The following DPP6 variants were observed in gnomAD, a reference collection of about 807,000 sequenced individuals.
DPP6 encodes the protein A-type potassium channel modulatory protein DPP6.
Under a neutral mutation model 122.6 loss-of-function variants are expected in DPP6, and 69 were observed. That is an observed-to-expected ratio of 0.56 (90% CI 0.46 to 0.69). The LOEUF (loss-of-function observed/expected upper bound fraction) is 0.69, where lower values mean the gene tolerates loss of function less well. DPP6 is among the 30% of genes least tolerant of loss of function. The probability of loss-of-function intolerance (pLI) is 0.00; values close to 1 mark genes in which losing one functional copy is unlikely to be tolerated. For missense variants in DPP6, 928 were observed against 1,116.9 expected, an observed-to-expected ratio of 0.83 and a Z score of 2.41; for synonymous variants, 418 against 433.1, an observed-to-expected ratio of 0.97 and a Z score of 0.43.
At chr7:154,125,604 C>A (rs1451453247) in intron 1 of DPP6, among the ~76,000 whole-genome samples, 2 of 152,132 alleles carry the variant, frequency 1.3e-5, no homozygotes, top group African/African-American at 4.8e-5. Context: ...AGGGCACAGG[C>A]TTTGGTTATT....
intron 1 of DPP6, among the ~76,000 whole-genome samples, chr7:154,022,036 C>T (rs1222871031): frequency 6.6e-6 from 1 of 152,104 alleles, no homozygotes; most frequent in Non-Finnish European, 1.5e-5. Flanking sequence ...GAGAATTCAA[C>T]TCCCCCTCTC....
chr7:153,949,326 G>T (rs559766692), intron 1 of DPP6, among the ~76,000 whole-genome samples: 18 of 152,190 alleles, frequency 1.2e-4, no homozygotes, highest in Non-Finnish European at 1.8e-4. Flanking sequence ...AGCTTCTTCC[G>T]TTAACAGACC....
At chr7:154,270,713 A>G (rs186184576) in intron 1 of DPP6, among the ~76,000 whole-genome samples, 1 of 152,282 alleles carries the variant, frequency 6.6e-6, no homozygotes, top group Non-Finnish European at 1.5e-5. Flanking sequence ...ACCAGACTCA[A>G]TACCAGTAGC....
intron 1 of DPP6, among the ~76,000 whole-genome samples, chr7:154,033,963 C>T (rs1338392228): frequency 6.6e-6 from 1 of 152,136 alleles, no homozygotes; most frequent in African/African-American, 2.4e-5. Context: ...TCACACAGCA[C>T]GTGTTTATAG....
intron 7 of DPP6, 92 bp downstream of exon 7, chr7:154,669,533 T>C (rs1480193119): frequency 7.1e-7 from 1 of 1,410,156 alleles, no homozygotes; most frequent in African/African-American, 2.3e-5. Context: ...AGCCTGTACA[T>C]GGTGTTGTGT....
chr7:154,473,370 G>A (rs765808336), intron 2 of DPP6, among the ~76,000 whole-genome samples: 3 of 152,144 alleles, frequency 2.0e-5, no homozygotes, highest in Admixed American at 6.6e-5. Flanking sequence ...TTCAGCGCCC[G>A]GGATAGCTCC....
intron 7 of DPP6, among the ~76,000 whole-genome samples, chr7:154,720,838 G>A (rs1484283408): frequency 2.0e-5 from 3 of 152,232 alleles, no homozygotes; most frequent in Non-Finnish European, 4.4e-5. Flanking sequence ...GGGTCTTTCA[G>A]TGAGAAGGGT....
chr7:154,301,814 GTT>G (rs1805926625), intron 1 of DPP6, among the ~76,000 whole-genome samples: 1 of 27,650 alleles, frequency 3.6e-5, no homozygotes, highest in African/African-American at 1.7e-4. Context: ...TTTTTTTTTT[GTT>G]GGAGACAGAG....
At chr7:153,893,683 G>C (rs1013297890) in intron 1 of DPP6, among the ~76,000 whole-genome samples, 1 of 152,186 alleles carries the variant, frequency 6.6e-6, no homozygotes, top group Admixed American at 6.5e-5. Flanking sequence ...TTGAGGAGGC[G>C]TAGAAGTCAA....
intron 1 of DPP6, among the ~76,000 whole-genome samples, chr7:154,081,786 C>T (rs527262554): frequency 0.022 from 3,386 of 151,480 alleles, 142 homozygotes; most frequent in African/African-American, 0.078. Context: ...TAAAAGGGAA[C>T]GTGTCTTTCT....
intron 1 of DPP6, among the ~76,000 whole-genome samples, chr7:154,086,000 A>T (rs1804388422): frequency 6.6e-6 from 1 of 151,970 alleles, no homozygotes; most frequent in African/African-American, 2.4e-5. Flanking sequence ...TGCTGAGATT[A>T]CAGGCGTGAG....
At chr7:153,911,369 G>T (rs1800086607) in intron 1 of DPP6, among the ~76,000 whole-genome samples, 1 of 152,200 alleles carries the variant, frequency 6.6e-6, no homozygotes, top group Non-Finnish European at 1.5e-5. Flanking sequence ...TGAGATCATA[G>T]TGTATGTTTA....
chr7:154,792,036 A>G (rs977456126), intron 10 of DPP6, among the ~76,000 whole-genome samples: 12 of 152,280 alleles, frequency 7.9e-5, no homozygotes, highest in African/African-American at 2.9e-4. Flanking sequence ...CATAGGATGA[A>G]TGAATGTTTC....
At chr7:153,767,189 C>T in the DPP6 span, among the ~76,000 whole-genome samples, 12 of 152,260 alleles carry the variant, frequency 7.9e-5, no homozygotes, top group South Asian at 6.2e-4. Context: ...GTGAGGCAAA[C>T]GCTTCCACTT....
intron 4 of DPP6, among the ~76,000 whole-genome samples, chr7:154,554,266 G>T (rs984880856): frequency 2.6e-5 from 4 of 152,094 alleles, no homozygotes; most frequent in Admixed American, 2.6e-4. Flanking sequence ...TTTGATGTGT[G>T]CACCCACAGA....
chr7:154,332,260 C>A (rs372396297), intron 1 of DPP6, among the ~76,000 whole-genome samples: 52 of 152,130 alleles, frequency 3.4e-4, no homozygotes, highest in African/African-American at 1.1e-3. Flanking sequence ...TTAGTAGGGA[C>A]AGGGTTTCAC....
At chr7:154,791,482 C>T (rs754526445) in intron 10 of DPP6, among the ~76,000 whole-genome samples, 1 of 152,036 alleles carries the variant, frequency 6.6e-6, no homozygotes, top group African/African-American at 2.4e-5. Context: ...GAACTTATTC[C>T]CTACCATGGG....
At position 154,755,430 on chromosome 7, in the gene DPP6, A is replaced by T. The variant is rs1340712359; in HGVS notation, c.884-13987A>T. 6.6e-6 allele frequency among the ~76,000 whole-genome samples: 1 copy of T among 152,066 alleles called. No homozygotes were observed. ...TCTCTGTCAGTATTTCCCATGGGTT[A>T]TCTCTCACTTACTAGCTGTGTGAGC... On this transcript the variant is annotated intron_variant, in intron 8 of 25. Transcript: ENST00000377770. The surrounding 1 kb of genome is among the most constrained non-coding windows in gnomAD (Gnocchi z 4.7).
the DPP6 span, among the ~76,000 whole-genome samples, chr7:153,808,185 CTGTG>C: frequency 6.9e-6 from 1 of 143,890 alleles, no homozygotes; most frequent in Non-Finnish European, 1.5e-5. Context: ...CTTGTTGCCA[CTGTG>C]TGTGTGTGTG....
Sources: allele counts gnomAD v4.1 joint callset (sites outside exome capture counted in the v4.1 genomes callset), GRCh38; gene constraint gnomAD v4.1.1; non-coding constraint Gnocchi (gnomAD v3.1); transcripts MANE v1.5; gene names NCBI Gene and HGNC (gene_info 2026-07-23, HGNC 2026-07-21).